Variants in OPTN observed in about 807,000 individuals in gnomAD.
OPTN encodes the protein optineurin.
OPTN carries 54 observed loss-of-function variants against 70.4 expected under a neutral mutation model. The ratio of observed to expected loss-of-function variants is 0.77; its 90% CI spans 0.62 to 0.96. The LOEUF is 0.96. Ranked by LOEUF, OPTN falls within the 40% of genes least tolerant of loss-of-function variation. OPTN has a pLI of 0.00. For synonymous variants in OPTN, 256 were observed against 248.5 expected, an observed-to-expected ratio of 1.03 and a Z score of -0.28; for missense variants, 624 against 673.2, an observed-to-expected ratio of 0.93 and a Z score of 0.81.
intron 14 of OPTN, among the ~76,000 whole-genome samples, chr10:13,136,038 C>T (rs2131533848): frequency 6.6e-6 from 1 of 152,050 alleles, no homozygotes; most frequent in East Asian, 1.9e-4. Flanking sequence ...ATTTTAAAAA[C>T]TAGCCAGGTG....
chr10:13,134,755 T>C (rs906609201), intron 14 of OPTN, among the ~76,000 whole-genome samples: 1 of 152,206 alleles, frequency 6.6e-6, no homozygotes, highest in Non-Finnish European at 1.5e-5. Context: ...GAGACAGCGT[T>C]TCACCATGTT....
chr10:13,121,185 C>T (rs889424125), intron 7 of OPTN, among the ~76,000 whole-genome samples: 41 of 152,144 alleles, frequency 2.7e-4, no homozygotes, highest in Admixed American at 2.7e-3. Flanking sequence ...GAGCCAGCTC[C>T]TGCTGTGGCT....
intron 5 of OPTN, among the ~76,000 whole-genome samples, chr10:13,114,726 T>C (rs1463893369): frequency 7.5e-6 from 1 of 132,910 alleles, no homozygotes; most frequent in Non-Finnish European, 1.6e-5. Flanking sequence ...TTCTATAATA[T>C]ATAATGTAGA....
chr10:13,109,580 C>G (rs192466541), intron 3 of OPTN: 420 of 371,076 alleles, frequency 1.1e-3, no homozygotes, highest in Non-Finnish European at 1.8e-3. Flanking sequence ...CATTCCATCA[C>G]TTTGGGAGGC....
At chr10:13,106,057 C>T (rs934828412) in intron 1 of OPTN, among the ~76,000 whole-genome samples, 2 of 151,958 alleles carry the variant, frequency 1.3e-5, no homozygotes, top group Middle Eastern at 3.2e-3. Flanking sequence ...TGAAACCAAA[C>T]ACACTTCTAA....
intron 9 of OPTN, 86 bp from the exon 10 acceptor site, chr10:13,125,332 A>G: frequency 4.2e-6 from 6 of 1,443,174 alleles, no homozygotes; most frequent in South Asian, 2.3e-5. Context: ...AAATTCTTAT[A>G]TTGTACATAA....
intron 1 of OPTN, among the ~76,000 whole-genome samples, chr10:13,106,840 C>G (rs577877098): frequency 6.6e-6 from 1 of 152,210 alleles, no homozygotes; most frequent in Non-Finnish European, 1.5e-5. Context: ...TTATCTCTAT[C>G]TTCCAGGGAC....
At chr10:13,119,734 TG>T (rs1297282704) in intron 7 of OPTN, among the ~76,000 whole-genome samples, 1 of 152,240 alleles carries the variant, frequency 6.6e-6, no homozygotes, top group Non-Finnish European at 1.5e-5. Flanking sequence ...GTTTTCACTT[TG>T]ACTTCAGCCA....
At chr10:13,111,614 C>T (rs1451297114) in intron 4 of OPTN, among the ~76,000 whole-genome samples, 3 of 151,904 alleles carry the variant, frequency 2.0e-5, no homozygotes, top group Admixed American at 6.6e-5. Flanking sequence ...AGGAGAATTG[C>T]TTAAACCCGA....
intron 4 of OPTN, among the ~76,000 whole-genome samples, chr10:13,111,007 C>T (rs145950014): frequency 3.9e-4 from 59 of 152,242 alleles, no homozygotes; most frequent in African/African-American, 1.4e-3. Flanking sequence ...TTTCTTAACC[C>T]AAAGAACCTG....
chr10:13,134,694 C>T (rs538879309), intron 14 of OPTN, among the ~76,000 whole-genome samples: 1 of 152,164 alleles, frequency 6.6e-6, no homozygotes, highest in South Asian at 2.1e-4. Flanking sequence ...TCCCAAAGTG[C>T]TGGGATTACA....
intron 1 of OPTN, among the ~76,000 whole-genome samples, chr10:13,106,752 G>GT (rs1297351929): frequency 6.6e-6 from 1 of 152,188 alleles, no homozygotes. Flanking sequence ...GGTGCATTTT[G>GT]TTTTATTTTA....
chr10:13,121,281 G>A (rs562753872), intron 7 of OPTN, among the ~76,000 whole-genome samples: 19 of 152,180 alleles, frequency 1.2e-4, no homozygotes, highest in Admixed American at 2.0e-4. Context: ...TTTAAAGACT[G>A]TTGGCTCTTC....
chr10:13,136,812 G>A lies in OPTN; in HGVS notation c.1680G>A (p.Glu560=). 1 of 1,614,182 alleles carries A rather than the reference G, an allele frequency of 6.2e-7. No individual in the cohort carries two copies. Among genetic ancestry groups the A allele is most frequent in the South Asian group, 1.1e-5 (1 of 91,086 alleles). The change falls in exon 15 of 15, where the codon GAG becomes GAA. Residue 560 remains glutamate (E), a synonymous_variant. Coordinates refer to ENST00000378747, the MANE Select transcript of OPTN (RefSeq NM_001008212.2). ...TTCATTCCTGCCCCAAGTGTGGAGA[G>A]GTTCTGCCTGACATAGACACGTTAC... is the stretch of plus-strand genomic sequence containing the variant. ...IPIHSCPKCG[E]VLPDIDTLQI... is the part of the protein sequence containing the mutation.
chr10:13,109,143 C>G lies in OPTN; in HGVS notation c.21C>G (p.Ser7Arg), dbSNP rs1244662302. 4 of 1,613,968 alleles carry G rather than the reference C, an allele frequency of 2.5e-6. No homozygotes were observed. Among genetic ancestry groups the G allele is most frequent in the Non-Finnish European group, 3.4e-6 (4 of 1,180,026 alleles). Residue 7 changes from serine to arginine, a missense_variant, in exon 3 of 15, where the codon AGC (serine) becomes AGG (arginine). Ser to Arg is a moderately radical substitution (Grantham distance 110, BLOSUM62 -1). Transcript: ENST00000378747. MSHQPLSCLTEKEDSPS... is the reference protein window; with the variant it reads MSHQPLRCLTEKEDSPS... Reference sequence around the variant, plus strand: ...CTGCAATGTCCCATCAACCTCTCAGCTGCCTCACTGAAAAGGAGGACAGCC... The same window carrying G: ...CTGCAATGTCCCATCAACCTCTCAGGTGCCTCACTGAAAAGGAGGACAGCC...
intron 1 of OPTN, among the ~76,000 whole-genome samples, chr10:13,105,159 G>A (rs954573868): frequency 1.4e-4 from 21 of 152,192 alleles, no homozygotes; most frequent in African/African-American, 3.1e-4. Flanking sequence ...TATATTTACC[G>A]TTTATGCTAA....
chr10:13,109,933 C>G (rs200986633), intron 3 of OPTN, among the ~76,000 whole-genome samples: 1 of 3,994 alleles, frequency 2.5e-4, no homozygotes, highest in African/African-American at 2.7e-4. Context: ...CCTGGTATCT[C>G]AAGATGGCTT....
intron 5 of OPTN, among the ~76,000 whole-genome samples, chr10:13,115,159 T>C (rs11258206): frequency 1.0e-5 from 1 of 99,208 alleles, no homozygotes; most frequent in Non-Finnish European, 1.8e-5. Context: ...TATATATTTA[T>C]ATATAGATAT....
chr10:13,100,839 A>G (rs917953281), intron 1 of OPTN, among the ~76,000 whole-genome samples: 2 of 152,232 alleles, frequency 1.3e-5, no homozygotes, highest in Non-Finnish European at 2.9e-5. Flanking sequence ...TGCCATCGAA[A>G]TGCATAAGCT....
Sources: gnomAD v4.1 joint callset for allele counts (sites outside exome capture counted in the v4.1 genomes callset) on GRCh38, gnomAD v4.1.1 for gene constraint, MANE v1.5 for transcripts, NCBI Gene and HGNC (gene_info 2026-07-23, HGNC 2026-07-21) for gene names.